The following C17orf99 variants were observed in gnomAD, a reference collection of about 807,000 sequenced individuals.
C17orf99 encodes protein IL-40.
In C17orf99, 18 loss-of-function variants were observed where a neutral mutation model predicts 22.6. That is an observed-to-expected ratio of 0.80 (90% CI 0.55 to 1.18). The LOEUF is 1.18. Among genes scored for constraint, C17orf99 ranks in the 50% most tolerant of loss-of-function variants. C17orf99 has a pLI of 0.00. For synonymous variants in C17orf99, 147 were observed against 136.6 expected, an observed-to-expected ratio of 1.08 and a Z score of -0.53; for missense variants, 328 against 342.7, an observed-to-expected ratio of 0.96 and a Z score of 0.34.
intron 3 of C17orf99, 66 bp from the exon 4 acceptor site, chr17:78,164,029 C>G: frequency 2.2e-6 from 3 of 1,338,110 alleles, no homozygotes; most frequent in African/African-American, 2.9e-5. Context: ...ATGAGGAGAA[C>G]TTACTGAGGA....
chr17:78,146,803 C>A lies in C17orf99; in HGVS notation c.38-76C>A. 7.1e-7 allele frequency: 1 copy of A among 1,398,624 alleles called. No homozygotes were observed. Among genetic ancestry groups the A allele is most frequent in the Non-Finnish European group, 9.9e-7 (1 of 1,009,558 alleles). 86.6% of individuals were successfully genotyped at this position (1,398,624 alleles called of 1,614,324 possible). Reference sequence around the variant, plus strand: ...GCCTGCTCCTCCCTCCTGGCTTCAGCAGGTGGGTCTCGAGGCTGTCTCTGG... The same window carrying A: ...GCCTGCTCCTCCCTCCTGGCTTCAGAAGGTGGGTCTCGAGGCTGTCTCTGG... On this transcript the variant is annotated intron_variant, in intron 1 of 4. Transcript: ENST00000340363. The surrounding 1 kb of genome is among the most constrained non-coding windows in gnomAD (Gnocchi z 5.2).
intron 2 of C17orf99, among the ~76,000 whole-genome samples, chr17:78,151,006 C>T (rs2075477901): frequency 6.6e-6 from 1 of 151,814 alleles, no homozygotes; most frequent in Non-Finnish European, 1.5e-5. Flanking sequence ...GCCTGTAATC[C>T]CAGCTACTCA....
intron 2 of C17orf99, among the ~76,000 whole-genome samples, chr17:78,149,508 T>A (rs909002829): frequency 1.3e-5 from 2 of 152,148 alleles, no homozygotes; most frequent in South Asian, 2.1e-4. Context: ...CGAAAGATGA[T>A]CTCTGCGTAG....
intron 2 of C17orf99, among the ~76,000 whole-genome samples, chr17:78,155,957 C>T (rs191215271): frequency 4.0e-5 from 6 of 151,850 alleles, no homozygotes; most frequent in South Asian, 2.1e-4. Context: ...AACAGGTCCC[C>T]GCCATTGGTA....
At chr17:78,161,969 G>A (rs1377442463) in intron 3 of C17orf99, among the ~76,000 whole-genome samples, 1 of 152,180 alleles carries the variant, frequency 6.6e-6, no homozygotes, top group African/African-American at 2.4e-5. Flanking sequence ...CTAAAACTCT[G>A]GGGAGTTAAG....
intron 2 of C17orf99, chr17:78,158,485 CG>C (rs2075546599): frequency 5.1e-6 from 1 of 196,592 alleles, no homozygotes; most frequent in Non-Finnish European, 1.1e-5. Flanking sequence ...TTAGTAGAGA[CG>C]GGGTTTCACC....
intron 2 of C17orf99, among the ~76,000 whole-genome samples, chr17:78,152,335 A>AT (rs370243424): frequency 0.079 from 9,284 of 118,260 alleles, 447 homozygotes; most frequent in African/African-American, 0.13. Context: ...TGCCTGCTTA[A>AT]TTTTTTTTTT....
intron 4 of C17orf99, 121 bp downstream of exon 4, chr17:78,164,485 G>C (rs754217640): frequency 2.6e-6 from 4 of 1,542,990 alleles, no homozygotes; most frequent in Non-Finnish European, 3.5e-6. Context: ...GCTGAGAGCA[G>C]AGAGGGCACA....
intron 4 of C17orf99, 27 bp downstream of exon 4, chr17:78,164,391 G>A (rs1021834152): frequency 1.9e-6 from 3 of 1,551,140 alleles, no homozygotes; most frequent in Middle Eastern, 1.7e-4. Context: ...ATTTCCAGAG[G>A]GGCAGCTGGC....
At chr17:78,164,959 A>T (rs2145806251) in intron 4 of C17orf99, 1 of 1,142,050 alleles carries the variant, frequency 8.8e-7, no homozygotes. Flanking sequence ...TAAGTTCTTT[A>T]TGGGGTCTGA....
At chr17:78,161,641 C>T (rs995463856) in intron 3 of C17orf99, among the ~76,000 whole-genome samples, 2 of 151,968 alleles carry the variant, frequency 1.3e-5, no homozygotes, top group Non-Finnish European at 2.9e-5. Flanking sequence ...CCCAGGAGTT[C>T]GATACCAGCC....
intron 2 of C17orf99, among the ~76,000 whole-genome samples, chr17:78,151,191 G>A (rs1163501668): frequency 7.9e-5 from 12 of 151,726 alleles, no homozygotes; most frequent in African/African-American, 1.9e-4. Context: ...TTGGGAGGCC[G>A]AGGTGGGCGG....
Position 78,166,174 on chromosome 17 carries a change from AAAAG to A in C17orf99, c.*129_*132del. On this transcript the variant is annotated 3_prime_UTR_variant, in exon 5 of 5. Coordinates refer to ENST00000340363, the MANE Select transcript of C17orf99 (RefSeq NM_001163075.2). ...TTGCCACAAAAAAAAAAAAAAAAAA[AAAAG>A]GGTAACTATGAGAGATGGTGGATAT... 2.5e-6 allele frequency: 1 copy of A among 399,766 alleles called. No individual in the cohort carries two copies. The highest frequency in any genetic ancestry group is 4.4e-5 in the Admixed American group (1 of 22,520). 24.8% of individuals were successfully genotyped at this position (399,766 alleles called of 1,614,324 possible). A position where few individuals can be genotyped will look rare whatever the true frequency, so the allele number is the denominator to read the frequency against.
chr17:78,147,598 A>G (rs1034038417), intron 2 of C17orf99, among the ~76,000 whole-genome samples: 2 of 151,964 alleles, frequency 1.3e-5, no homozygotes, highest in African/African-American at 4.8e-5. Flanking sequence ...CCTCATGTCC[A>G]TTAAGGTGAG....
intron 2 of C17orf99, among the ~76,000 whole-genome samples, chr17:78,154,136 G>C (rs112789088): frequency 6.6e-6 from 1 of 151,898 alleles, no homozygotes; most frequent in African/African-American, 2.4e-5. Context: ...ATGTTGCCCA[G>C]GCTGGCTTTG....
intron 2 of C17orf99, among the ~76,000 whole-genome samples, chr17:78,155,921 G>A (rs980482532): frequency 7.3e-5 from 11 of 151,500 alleles, no homozygotes; most frequent in Non-Finnish European, 1.5e-5. Flanking sequence ...CACCATGCCC[G>A]GCCTACACAC....
chr17:78,160,043 CTG>C (rs2075561042), intron 2 of C17orf99: 1 of 456,186 alleles, frequency 2.2e-6, no homozygotes, highest in Non-Finnish European at 4.4e-6. Flanking sequence ...GTACAGGTAT[CTG>C]TTTGAGTCCC....
chr17:78,148,080 G>A, intron 2 of C17orf99, among the ~76,000 whole-genome samples: 1 of 152,134 alleles, frequency 6.6e-6, no homozygotes, highest in South Asian at 2.1e-4. Flanking sequence ...TGGGGGTTGG[G>A]GGGACAGATG....
At chr17:78,160,831 C>T in intron 2 of C17orf99, 124 bp from the exon 3 acceptor site, 1 of 732,972 alleles carries the variant, frequency 1.4e-6, no homozygotes, top group Non-Finnish European at 2.2e-6. Flanking sequence ...GATCCGTCCA[C>T]CTGGACCTCC....
Sources: gnomAD v4.1 joint callset for allele counts (sites outside exome capture counted in the v4.1 genomes callset) on GRCh38, gnomAD v4.1.1 for gene constraint, Gnocchi (gnomAD v3.1) non-coding constraint, MANE v1.5 for transcripts, NCBI Gene and HGNC (gene_info 2026-07-23, HGNC 2026-07-21) for gene names.